DTNA: variants seen among roughly 807,000 people sequenced by gnomAD.
DTNA encodes dystrophin-related protein 3.
A neutral mutation model predicts 100.7 loss-of-function variants in DTNA; 43 were observed. That is an observed-to-expected ratio of 0.43 (90% confidence interval 0.33 to 0.55). The LOEUF is 0.55. Among genes scored for constraint, DTNA ranks in the 20% least tolerant of loss-of-function variants. The pLI is 0.04. For missense variants in DTNA, 798 were observed against 953.9 expected (o/e 0.84, Z 2.15); for synonymous variants, 349 against 347.9 (o/e 1.00, Z -0.04).
rs74534662 is a variant in DTNA, at chr18:34,772,540, A to T, written c.148+6499A>T. Among the ~76,000 whole-genome samples the T allele has an allele frequency of 6.6e-3, 979 of 149,394 alleles. 5 individuals carry two copies. Among genetic ancestry groups the T allele is most frequent in the African/African-American group, 0.023 (939 of 41,126 alleles). ...AGATTCATTTCTCACCAGTCAGGTG[A>T]CTAGAAGAACGCTGGTCTTATGTGG... On this transcript the variant is annotated intron_variant, in intron 3 of 22. Transcript: ENST00000444659.
intron 1 of DTNA, among the ~76,000 whole-genome samples, chr18:34,589,013 AT>A (rs1441810994): frequency 6.6e-6 from 1 of 150,500 alleles, no homozygotes; most frequent in Non-Finnish European, 1.5e-5. Context: ...TACTATACTA[AT>A]TATATGTATA....
intron 1 of DTNA, chr18:34,683,843 T>A (rs911738698): frequency 2.0e-5 from 3 of 152,102 alleles, no homozygotes; most frequent in Non-Finnish European, 2.9e-5. Context: ...AATTATAATT[T>A]AAAAAAATAC....
chr18:34,622,359 AAAG>A (rs1233640305), intron 1 of DTNA, among the ~76,000 whole-genome samples: 1 of 152,222 alleles, frequency 6.6e-6, no homozygotes, highest in Non-Finnish European at 1.5e-5. Context: ...TTTACCATCA[AAAG>A]AACAACTTGA....
At chr18:34,795,774 T>C (rs2094942754) in intron 4 of DTNA, among the ~76,000 whole-genome samples, 1 of 152,230 alleles carries the variant, frequency 6.6e-6, no homozygotes, top group East Asian at 1.9e-4. Context: ...ACCCACTCCA[T>C]AAATATAGAC....
At chr18:34,743,878 T>A (rs529213809) in intron 1 of DTNA, among the ~76,000 whole-genome samples, 54 of 152,228 alleles carry the variant, frequency 3.5e-4, no homozygotes, top group African/African-American at 1.3e-3. Context: ...CATATTGGCA[T>A]CCTCCCACCC....
intron 1 of DTNA, among the ~76,000 whole-genome samples, chr18:34,584,026 CT>C: frequency 7.4e-6 from 1 of 134,924 alleles, no homozygotes; most frequent in Non-Finnish European, 1.8e-5. Flanking sequence ...TAGTAACAAA[CT>C]CTACTTTCCC....
chr18:34,731,737 T>C (rs2147338806), intron 1 of DTNA, among the ~76,000 whole-genome samples: 1 of 152,344 alleles, frequency 6.6e-6, no homozygotes, highest in Non-Finnish European at 1.5e-5. Context: ...TTCTGTCTTG[T>C]TTACCTGTGT....
chr18:34,503,286 T>C, intron 1 of DTNA, among the ~76,000 whole-genome samples: 1 of 134,208 alleles, frequency 7.5e-6, no homozygotes, highest in Non-Finnish European at 1.6e-5. Context: ...CTCATTTTTT[T>C]TTTTTTTTTT....
chr18:34,587,372 C>T (rs947046886), intron 1 of DTNA, among the ~76,000 whole-genome samples: 13 of 152,026 alleles, frequency 8.6e-5, no homozygotes, highest in South Asian at 8.3e-4. Context: ...TTTCCTTAGT[C>T]AGTCTCTCTC....
intron 5 of DTNA, among the ~76,000 whole-genome samples, chr18:34,810,236 T>G (rs1476573132): frequency 6.6e-6 from 1 of 152,122 alleles, no homozygotes; most frequent in East Asian, 1.9e-4. Context: ...CTGAACTGGT[T>G]GTTTTGCCTC....
At chr18:34,836,164 CTG>C (rs2096138885) in intron 11 of DTNA, among the ~76,000 whole-genome samples, 1 of 152,118 alleles carries the variant, frequency 6.6e-6, no homozygotes, top group South Asian at 2.1e-4. Context: ...GGTGGGGTAA[CTG>C]TACATCACAG....
At chr18:34,857,027 C>G (rs930251901) in intron 15 of DTNA, among the ~76,000 whole-genome samples, 4 of 152,194 alleles carry the variant, frequency 2.6e-5, no homozygotes, top group Non-Finnish European at 4.4e-5. Flanking sequence ...GCAGGGGCAC[C>G]TGGGAGGGCA....
intron 1 of DTNA, among the ~76,000 whole-genome samples, chr18:34,564,149 CTT>C (rs879725183): frequency 6.8e-6 from 1 of 146,586 alleles, no homozygotes. Context: ...TCCGTACTTC[CTT>C]TTTTTTTTTG....
chr18:34,664,518 C>T (rs953196077), intron 1 of DTNA, among the ~76,000 whole-genome samples: 2 of 152,024 alleles, frequency 1.3e-5, no homozygotes, highest in African/African-American at 4.8e-5. Flanking sequence ...AAAGGAACTC[C>T]ACCACCTGAA....
At chr18:34,548,002 A>C (rs2044985781) in intron 1 of DTNA, among the ~76,000 whole-genome samples, 1 of 152,194 alleles carries the variant, frequency 6.6e-6, no homozygotes, top group South Asian at 2.1e-4. Context: ...GAAGATTAAA[A>C]GATTCACATA....
At chr18:34,677,864 T>C (rs1000279196) in intron 1 of DTNA, among the ~76,000 whole-genome samples, 3 of 152,184 alleles carry the variant, frequency 2.0e-5, no homozygotes, top group Non-Finnish European at 4.4e-5. Context: ...AGTGAAAGTC[T>C]CTTTATATCC....
At chr18:34,887,023 G>A (rs1370504087) in intron 22 of DTNA, among the ~76,000 whole-genome samples, 2 of 152,196 alleles carry the variant, frequency 1.3e-5, no homozygotes, top group African/African-American at 2.4e-5. Context: ...TCTGAAGCCA[G>A]ATTCATCAGC....
chr18:34,525,101 T>C (rs925966031), intron 1 of DTNA, among the ~76,000 whole-genome samples: 3 of 152,162 alleles, frequency 2.0e-5, no homozygotes, highest in South Asian at 2.1e-4. Context: ...ACAGTACATA[T>C]AGAAGTGATC....
intron 3 of DTNA, among the ~76,000 whole-genome samples, chr18:34,781,257 T>C (rs2094307315): frequency 6.6e-6 from 1 of 152,220 alleles, no homozygotes; most frequent in Non-Finnish European, 1.5e-5. Context: ...AATTTTGTTT[T>C]AATTGAAAAA....
Sources: allele counts gnomAD v4.1 joint callset (sites outside exome capture counted in the v4.1 genomes callset), GRCh38; gene constraint gnomAD v4.1.1; transcripts MANE v1.5; gene names NCBI Gene and HGNC (gene_info 2026-07-23, HGNC 2026-07-21).